The following RNF213 variants were observed in gnomAD, a reference collection of about 807,000 sequenced individuals.
RNF213 encodes the protein ring finger protein 213.
In RNF213, 341 loss-of-function variants were observed where a neutral mutation model predicts 514.4. That is an observed-to-expected ratio of 0.66 (90% CI 0.61 to 0.73). The LOEUF is 0.73. RNF213 is among the 30% of genes least tolerant of loss of function. The pLI is 0.00. For synonymous variants in RNF213, 2,655 were observed against 2,658.2 expected, an observed-to-expected ratio of 1.00 and a Z score of 0.04; for missense variants, 5,767 against 6,615.6, an observed-to-expected ratio of 0.87 and a Z score of 4.45.
At chr17:80,367,335 C>T (rs375733337) in intron 42 of RNF213, among the ~76,000 whole-genome samples, 4 of 151,918 alleles carry the variant, frequency 2.6e-5, no homozygotes, top group Admixed American at 6.6e-5. Flanking sequence ...AATGATCTAT[C>T]GCAGCAGCTT....
At chr17:80,295,449 G>C (rs986578764) in intron 9 of RNF213, 108 bp from the exon 10 acceptor site, 1 of 1,386,068 alleles carries the variant, frequency 7.2e-7, no homozygotes, top group Admixed American at 1.8e-5. Flanking sequence ...TGTGGTGGTG[G>C]GGCACGGATG....
intron 11 of RNF213, among the ~76,000 whole-genome samples, chr17:80,303,626 C>A (rs1053158755): frequency 6.7e-6 from 1 of 149,154 alleles, no homozygotes; most frequent in Non-Finnish European, 1.5e-5. Flanking sequence ...TACAGTGGCG[C>A]GATCTCTGGT....
At position 80,347,920 on chromosome 17, in the gene RNF213, G is replaced by A; in HGVS notation, c.9585G>A (p.Val3195=). 1 of 1,614,132 alleles carries A rather than the reference G, an allele frequency of 6.2e-7. No homozygotes were observed. The highest frequency in any genetic ancestry group is 8.5e-7 in the Non-Finnish European group (1 of 1,179,976). The change falls in exon 29 of 68, where the codon GTG becomes GTA. Residue 3195 remains valine (V), a synonymous_variant. Transcript: ENST00000582970. This position sits in a 1 kb window ranked among gnomAD's most constrained non-coding sequence, Gnocchi z 7.2. Reference sequence around the variant, plus strand: ...TCGTGGAGGAGCTCTGTGCGTGGGTGGAGAAGTTCATCAATGTCAAAGCAC... The same window carrying A: ...TCGTGGAGGAGCTCTGTGCGTGGGTAGAGAAGTTCATCAATGTCAAAGCAC... ...KSIVEELCAW[V]EKFINVKAHH... is the part of the protein sequence containing the mutation.
At position 80,379,661 on chromosome 17, in the gene RNF213, T is replaced by C. The variant is rs767114173; in HGVS notation, c.13587T>C (p.His4529=). The C allele has an allele frequency of 6.8e-6, 11 of 1,614,142 alleles. No individual in the cohort carries two copies. The highest frequency in any genetic ancestry group is 1.3e-5 in the African/African-American group (1 of 74,954). ...PMEQSICIDC[H]APIGGIDHKP... is the part of the protein sequence containing the mutation. ...AACAGAGCATCTGCATTGACTGCCA[T>C]GCGCCGATTGGAGGCATTGACCACA... is the stretch of plus-strand genomic sequence containing the variant. The change falls in exon 55 of 68, where the codon CAT becomes CAC. Residue 4529 remains histidine, a synonymous_variant. Coordinates refer to ENST00000582970, the MANE Select transcript of RNF213 (RefSeq NM_001256071.3).
At chr17:80,356,443 G>A (rs953540696) in intron 36 of RNF213, among the ~76,000 whole-genome samples, 1 of 152,340 alleles carries the variant, frequency 6.6e-6, no homozygotes, top group South Asian at 2.1e-4. Flanking sequence ...CGTGAGGCCT[G>A]CGCAGCCGCT....
chr17:80,290,353 ATGTATGTGTGCG>A (rs1162416140), intron 6 of RNF213, among the ~76,000 whole-genome samples: 1 of 144,224 alleles, frequency 6.9e-6, no homozygotes, highest in Non-Finnish European at 1.5e-5. Flanking sequence ...GTGCGTGTGC[ATGTATGTGTGCG>A]TGTGTGAGTG....
At position 80,295,652 on chromosome 17, in the gene RNF213, G is replaced by T; in HGVS notation, c.1851G>T (p.Arg617Ser). Residue 617 changes from arginine (R) to serine (S), a missense_variant, in exon 10 of 68, where the codon AGG becomes AGT. Arg to Ser is a moderately radical substitution (Grantham distance 110). Transcript: ENST00000582970. ...TTTTGCCTGTGGACTGCCCAGTGAGGAGTAAACTGAAAACAGGCCTGATTG... is the reference window on the plus strand; with the variant it reads ...TTTTGCCTGTGGACTGCCCAGTGAGTAGTAAACTGAAAACAGGCCTGATTG... Reference protein sequence around the residue: ...TDFLPVDCPVRSKLKTGLIVL... With the variant: ...TDFLPVDCPVSSKLKTGLIVL... 1 of 1,614,132 alleles carries T rather than the reference G, an allele frequency of 6.2e-7. No individual in the cohort carries two copies. Among genetic ancestry groups the T allele is most frequent in the Non-Finnish European group, 8.5e-7 (1 of 1,180,004 alleles).
intron 11 of RNF213, among the ~76,000 whole-genome samples, chr17:80,303,935 A>G (rs1598964333): frequency 6.7e-6 from 1 of 149,772 alleles, no homozygotes; most frequent in East Asian, 1.9e-4. Context: ...TAAACTATTA[A>G]CTCAGCCCCT....
intron 39 of RNF213, among the ~76,000 whole-genome samples, chr17:80,362,536 A>G (rs2079094018): frequency 6.6e-6 from 1 of 152,234 alleles, no homozygotes; most frequent in Non-Finnish European, 1.5e-5. Flanking sequence ...CATTTTGCAA[A>G]GCTGATTTTT....
chr17:80,329,788 G>A (rs141341964), intron 20 of RNF213, among the ~76,000 whole-genome samples: 301 of 152,244 alleles, frequency 2.0e-3, no homozygotes, highest in African/African-American at 6.9e-3. Context: ...CCGAAATCAC[G>A]CCACAACACT....
chr17:80,278,881 G>A (rs903628303), intron 3 of RNF213: 11 of 1,537,078 alleles, frequency 7.2e-6, no homozygotes, highest in East Asian at 2.4e-5. Context: ...GCTTGAGGCC[G>A]CCAGCGTGCC....
Position 80,353,982 on chromosome 17 carries a change from T to C in RNF213, c.10579-37T>C. ...GTTTGGCTTTTGCCCACTGTGTCAG[T>C]GGCAGAAACGGATGACCCAACCGTC... On this transcript the variant is annotated intron_variant, in intron 34 of 67. Coordinates refer to ENST00000582970, the MANE Select transcript of RNF213 (RefSeq NM_001256071.3). The surrounding 1 kb of genome is among the most constrained non-coding windows in gnomAD (Gnocchi z 5.0). 6.2e-7 allele frequency: 1 copy of C among 1,613,216 alleles called. No individual in the cohort carries two copies. The highest frequency in any genetic ancestry group is 8.5e-7 in the Non-Finnish European group (1 of 1,179,896).
chr17:80,358,248 C>A, intron 36 of RNF213, 40 bp from the exon 37 acceptor site: 1 of 1,597,994 alleles, frequency 6.3e-7, no homozygotes, highest in Admixed American at 1.7e-5. Flanking sequence ...CACTCTGGTT[C>A]CTCTGACCCG....
At chr17:80,325,618 T>G (rs2046258573) in intron 18 of RNF213, among the ~76,000 whole-genome samples, 1 of 152,118 alleles carries the variant, frequency 6.6e-6, no homozygotes, top group Non-Finnish European at 1.5e-5. Context: ...CAATATAGAA[T>G]GTCCAAGCCA....
At chr17:80,316,444 G>A (rs1282645595) in intron 15 of RNF213, 1 of 152,326 alleles carries the variant, frequency 6.6e-6, no homozygotes, top group African/African-American at 2.4e-5. Context: ...AAATGACCAG[G>A]GAACTCTTCT....
In RNF213 at chr17:80,339,754, G is replaced by T. The variant is rs1480728534; in HGVS notation, c.5387G>T (p.Cys1796Phe). The T allele has an allele frequency of 6.5e-7, 1 of 1,537,084 alleles. No homozygotes were observed. Among genetic ancestry groups the T allele is most frequent in the Non-Finnish European group, 8.7e-7 (1 of 1,146,796 alleles). Residue 1796 changes from cysteine to phenylalanine, a missense_variant, in exon 26 of 68, where the codon TGC (cysteine) becomes TTC (phenylalanine). Around this residue, in one of 13 missense-constraint regions of RNF213, gnomAD observed 1,377 missense variants for 1,635.2 expected, o/e 0.84. Coordinates refer to ENST00000582970, the MANE Select transcript of RNF213 (RefSeq NM_001256071.3). ...MRCLPAFLPD[C>F]LDLETLGHCL... is the part of the protein sequence containing the mutation. ...TGCCTTCCTGCCTTCCTGCCCGACTGCCTCGACCTAGAGACCCTTGGCCAC... is the reference window on the plus strand; with the variant it reads ...TGCCTTCCTGCCTTCCTGCCCGACTTCCTCGACCTAGAGACCCTTGGCCAC...
chr17:80,397,591 C>G lies in RNF213; in HGVS notation c.*4093C>G, dbSNP rs556209250. ...GCATGCAGCCCCCAGTCACGTACCC[C>G]CTGCTTGCTCAATCAATCACGACCC... On this transcript the variant is annotated 3_prime_UTR_variant, in exon 68 of 68. Coordinates refer to ENST00000582970, the MANE Select transcript of RNF213 (RefSeq NM_001256071.3). 14 of 151,970 alleles carry G rather than the reference C, an allele frequency of 9.2e-5. No homozygotes were observed. Among genetic ancestry groups the G allele is most frequent in the Admixed American group, 9.2e-4 (14 of 15,236 alleles). The allele number at this position is 151,970 out of a possible 1,614,324, so 9.4% of individuals were successfully genotyped here.
chr17:80,313,645 TGATGGTTGTGGA>T (rs2045663385), intron 15 of RNF213, among the ~76,000 whole-genome samples: 7 of 136,296 alleles, frequency 5.1e-5, no homozygotes, highest in Non-Finnish European at 9.5e-5. Flanking sequence ...GTGGTGATGG[TGATGGTTGTGGA>T]GGTGATGGTG....
At position 80,361,740 on chromosome 17, in the gene RNF213, C is replaced by G. The variant is rs761944656; in HGVS notation, c.11207C>G (p.Pro3736Arg). 6.2e-7 allele frequency: 1 copy of G among 1,613,404 alleles called. No individual in the cohort carries two copies. Among genetic ancestry groups the G allele is most frequent in the Non-Finnish European group, 8.5e-7 (1 of 1,179,708 alleles). ...CTTGGTTTCCTCTCTGCAGGACTGCCCAAGAAGTTCGTGGACATCTTTCAG... is the reference window on the plus strand; with the variant it reads ...CTTGGTTTCCTCTCTGCAGGACTGCGCAAGAAGTTCGTGGACATCTTTCAG... The part of the protein sequence containing the change: ...AQYITDAEGL[P>R]KKFVDIFQQT... Residue 3736 changes from proline (P) to arginine (R), a missense_variant, in exon 39 of 68, where the codon CCC becomes CGC. Transcript: ENST00000582970.
Sources: gnomAD v4.1 joint callset for allele counts (sites outside exome capture counted in the v4.1 genomes callset) on GRCh38, gnomAD v4.1.1 for gene constraint, gnomAD v4.1.1 regional missense constraint, Gnocchi (gnomAD v3.1) non-coding constraint, MANE v1.5 for transcripts, NCBI Gene and HGNC (gene_info 2026-07-23, HGNC 2026-07-21) for gene names.